ARHGAP10: variants seen among roughly 807,000 people sequenced by gnomAD.
ARHGAP10 encodes Rho GTPase activating protein 10.
In ARHGAP10, 87 loss-of-function variants were observed where a neutral mutation model predicts 108.6. The observed-to-expected ratio is 0.80, with a 90% CI of 0.67 to 0.96. ARHGAP10 has a LOEUF of 0.96. ARHGAP10 is among the 40% of genes least tolerant of loss of function. ARHGAP10 has a pLI of 0.00. For missense variants in ARHGAP10, 939 were observed against 954.5 expected (o/e 0.98, Z 0.21); for synonymous variants, 347 against 341.1 (o/e 1.02, Z -0.19).
At chr4:147,832,984 G>A (rs922118520) in intron 3 of ARHGAP10, among the ~76,000 whole-genome samples, 1 of 152,188 alleles carries the variant, frequency 6.6e-6, no homozygotes, top group Non-Finnish European at 1.5e-5. Context: ...GTGGTGGTTT[G>A]AAAACCTTCC....
intron 6 of ARHGAP10, 126 bp from the exon 7 acceptor site, chr4:147,866,586 C>A: frequency 1.6e-6 from 1 of 634,646 alleles, no homozygotes; most frequent in Middle Eastern, 2.8e-4. Flanking sequence ...TTAGTGACTT[C>A]CCTTTAATCA....
At chr4:148,069,162 G>T (rs747229351) in intron 22 of ARHGAP10, among the ~76,000 whole-genome samples, 2 of 152,110 alleles carry the variant, frequency 1.3e-5, no homozygotes, top group Non-Finnish European at 2.9e-5. Context: ...ACTGAGAGAG[G>T]TCAGATCTTC....
At chr4:147,910,374 C>T (rs944149409) in intron 12 of ARHGAP10, among the ~76,000 whole-genome samples, 3 of 151,842 alleles carry the variant, frequency 2.0e-5, no homozygotes, top group Non-Finnish European at 4.4e-5. Context: ...GTACAAAATA[C>T]TTTCTCTACA....
intron 12 of ARHGAP10, 57 bp downstream of exon 12, chr4:147,909,834 T>C (rs1736663296): frequency 6.6e-7 from 1 of 1,520,954 alleles, no homozygotes; most frequent in Admixed American, 1.7e-5. Flanking sequence ...TTACTTTGTG[T>C]ACATTATGCA....
chr4:148,057,072 A>G (rs1578834985), intron 20 of ARHGAP10, among the ~76,000 whole-genome samples: 1 of 152,202 alleles, frequency 6.6e-6, no homozygotes, highest in African/African-American at 2.4e-5. Context: ...AATGATGGCA[A>G]CTGTGGGCCA....
intron 7 of ARHGAP10, among the ~76,000 whole-genome samples, chr4:147,870,690 A>G (rs1331339911): frequency 2.0e-5 from 3 of 152,150 alleles, no homozygotes; most frequent in Admixed American, 2.0e-4. Context: ...AATTGCCTCA[A>G]ATTTAAAGAA....
At chr4:147,828,722 C>T (rs1463890861) in intron 3 of ARHGAP10, among the ~76,000 whole-genome samples, 1 of 152,154 alleles carries the variant, frequency 6.6e-6, no homozygotes, top group African/African-American at 2.4e-5. Flanking sequence ...CTTCCTTTCC[C>T]CCCTACAATG....
In ARHGAP10 at chr4:147,784,805, T is replaced by TATATTATA. The variant is rs1323904773; in HGVS notation, c.155-37921_155-37920insTATTATAA. ...TATTATAAAATATATATTATAAATA[T>TATATTATA]AATATATTATAAAATATATATTATA... On this transcript the variant is annotated intron_variant, in intron 1 of 22. Coordinates refer to ENST00000336498, the MANE Select transcript of ARHGAP10 (RefSeq NM_024605.4). 8.8e-3 allele frequency among the ~76,000 whole-genome samples: 64 copies of TATATTATA among 7,248 alleles called. 10 individuals carry two copies. The highest frequency in any genetic ancestry group is 9.7e-3 in the Non-Finnish European group (6 of 618). 4.8% of individuals were successfully genotyped at this position (7,248 alleles called of 152,430 possible).
chr4:147,777,745 T>C (rs999884687), intron 1 of ARHGAP10, among the ~76,000 whole-genome samples: 9 of 152,160 alleles, frequency 5.9e-5, no homozygotes, highest in African/African-American at 2.2e-4. Context: ...CTCTAAGTAG[T>C]AAAAGGTGAA....
At chr4:147,780,517 G>A (rs779447073) in intron 1 of ARHGAP10, among the ~76,000 whole-genome samples, 19 of 150,638 alleles carry the variant, frequency 1.3e-4, no homozygotes, top group African/African-American at 3.4e-4. Flanking sequence ...TCTCATTTGC[G>A]TGTCTTTTTG....
intron 18 of ARHGAP10, among the ~76,000 whole-genome samples, chr4:147,990,639 ATGGAGCTGGAGGTCTATTAAG>A (rs1740235208): frequency 1.3e-5 from 2 of 152,330 alleles, no homozygotes; most frequent in African/African-American, 4.8e-5. Context: ...AGCAACATGG[ATGGAGCTGGAGGTCTATTAAG>A]TGAACTAACA....
At chr4:147,784,951 TATAAA>T (rs1730819166) in intron 1 of ARHGAP10, among the ~76,000 whole-genome samples, 1 of 132,334 alleles carries the variant, frequency 7.6e-6, no homozygotes, top group Non-Finnish European at 1.5e-5. Context: ...TAAAACATGT[TATAAA>T]ATATATTATG....
chr4:147,958,520 A>G (rs541474944), intron 16 of ARHGAP10, among the ~76,000 whole-genome samples: 6 of 152,326 alleles, frequency 3.9e-5, no homozygotes, highest in South Asian at 4.1e-4. Context: ...TTTGATAAAC[A>G]TATCTGGGAA....
intron 3 of ARHGAP10, among the ~76,000 whole-genome samples, chr4:147,841,204 G>T (rs778300114): frequency 1.1e-4 from 17 of 152,242 alleles, no homozygotes; most frequent in Non-Finnish European, 1.9e-4. Context: ...ATTATTTCAT[G>T]TTCAAGAAGC....
chr4:147,933,714 C>G (rs371011736), intron 13 of ARHGAP10, among the ~76,000 whole-genome samples: 1 of 152,206 alleles, frequency 6.6e-6, no homozygotes, highest in East Asian at 1.9e-4. Flanking sequence ...GAAGACTGTT[C>G]TAGTGGCCCA....
chr4:147,799,375 A>G (rs1731483312), intron 1 of ARHGAP10, among the ~76,000 whole-genome samples: 1 of 151,970 alleles, frequency 6.6e-6, no homozygotes, highest in Non-Finnish European at 1.5e-5. Context: ...TATGTCTTTT[A>G]CCAAATTTGG....
intron 20 of ARHGAP10, among the ~76,000 whole-genome samples, chr4:148,048,881 T>C (rs563173083): frequency 3.3e-5 from 5 of 151,608 alleles, no homozygotes; most frequent in African/African-American, 1.2e-4. Context: ...CATTTTAAAA[T>C]GTCATGAAAA....
chr4:147,791,527 T>C (rs1462243016), intron 1 of ARHGAP10, among the ~76,000 whole-genome samples: 2 of 152,124 alleles, frequency 1.3e-5, no homozygotes, highest in Non-Finnish European at 2.9e-5. Flanking sequence ...ATTCCGTGTG[T>C]GTGTGTGCGC....
At chr4:147,985,850 G>A (rs548403605) in intron 18 of ARHGAP10, among the ~76,000 whole-genome samples, 14 of 152,166 alleles carry the variant, frequency 9.2e-5, no homozygotes, top group Non-Finnish European at 1.6e-4. Flanking sequence ...CCTGGGTTGC[G>A]CGGATCCCTA....
Sources: allele counts gnomAD v4.1 joint callset (sites outside exome capture counted in the v4.1 genomes callset), GRCh38; gene constraint gnomAD v4.1.1; transcripts MANE v1.5; gene names NCBI Gene and HGNC (gene_info 2026-07-23, HGNC 2026-07-21).